The following FHDC1 variants were observed in gnomAD, a reference collection of about 807,000 sequenced individuals.
FHDC1 encodes FH2 domain-containing protein 1.
In FHDC1, 25 loss-of-function variants were observed where a neutral mutation model predicts 52.6. That is an observed-to-expected ratio of 0.48 (90% CI 0.35 to 0.66). The LOEUF is 0.66. Ranked by LOEUF, FHDC1 falls within the 30% of genes least tolerant of loss-of-function variation. The probability of loss-of-function intolerance (pLI) is 0.01; values close to 1 mark genes in which losing one functional copy is unlikely to be tolerated. For missense variants in FHDC1, 1,459 were observed against 1,452.8 expected (o/e 1.00, Z -0.07); for synonymous variants, 616 against 581.5 (o/e 1.06, Z -0.85).
At position 152,976,420 on chromosome 4, in the gene FHDC1, C is replaced by T. The variant is rs758886217; in HGVS notation, c.3129C>T (p.Ser1043=). 6.2e-7 allele frequency: 1 copy of T among 1,613,784 alleles called. No individual in the cohort carries two copies. Among genetic ancestry groups the T allele is most frequent in the South Asian group, 1.1e-5 (1 of 91,088 alleles). Residue 1043 remains serine (S), a synonymous_variant, in exon 12 of 12, where the codon TCC becomes TCT. Coordinates refer to ENST00000511601, the MANE Select transcript of FHDC1 (RefSeq NM_001371116.1). ...TTGCCCGGAACACAGTGGCCTCCTCCTCTCGAAGCATGAGAACAGATCTTC... is the reference window on the plus strand; with the variant it reads ...TTGCCCGGAACACAGTGGCCTCCTCTTCTCGAAGCATGAGAACAGATCTTC... ...PSFARNTVAS[S]SRSMRTDLPP...
rs371770342 is a variant in FHDC1, at chr4:152,969,815, G to A, written c.1218+1718G>A. 2.5e-4 allele frequency among the ~76,000 whole-genome samples: 38 copies of A among 152,040 alleles called. No homozygotes were observed. In the East Asian group the frequency reaches 5.6e-3, roughly 22 times the overall value. ...CTCCTGAGCAGCTGAGACTACAGGC[G>A]CATGTCACCACACCAGGCTAATTTT... On this transcript the variant is annotated intron_variant, in intron 10 of 11. Transcript: ENST00000511601.
chr4:152,949,761 G>A (rs1442063209), intron 2 of FHDC1, among the ~76,000 whole-genome samples: 2 of 152,196 alleles, frequency 1.3e-5, no homozygotes, highest in Admixed American at 6.5e-5. Context: ...GGCAGTTGCG[G>A]GGAAACTGTG....
At chr4:152,968,207 T>C in intron 10 of FHDC1, 110 bp downstream of exon 10, 2 of 744,674 alleles carry the variant, frequency 2.7e-6, no homozygotes, top group Non-Finnish European at 4.5e-6. Context: ...CCATTCATAT[T>C]TTTTTTCTCC....
intron 10 of FHDC1, among the ~76,000 whole-genome samples, 178 bp from the exon 11 acceptor site, chr4:152,972,199 T>C (rs1448561139): frequency 6.6e-6 from 1 of 152,166 alleles, no homozygotes; most frequent in African/African-American, 2.4e-5. Flanking sequence ...CGAGGTTTGT[T>C]CTGGGTTGAA....
intron 2 of FHDC1, among the ~76,000 whole-genome samples, chr4:152,946,374 A>T (rs370615367): frequency 1.3e-5 from 2 of 152,350 alleles, no homozygotes; most frequent in African/African-American, 4.8e-5. Flanking sequence ...GCTGTCACAT[A>T]ACAGAGATTA....
chr4:152,939,884 G>A (rs993329794), intron 1 of FHDC1, among the ~76,000 whole-genome samples: 2 of 152,142 alleles, frequency 1.3e-5, no homozygotes, highest in African/African-American at 4.8e-5. Flanking sequence ...GCAGATTGAT[G>A]GGACTACTTA....
At chr4:152,914,299 A>ACC in the FHDC1 span, among the ~76,000 whole-genome samples, 3 of 152,182 alleles carry the variant, frequency 2.0e-5, no homozygotes, top group African/African-American at 7.2e-5. Flanking sequence ...CCTTTATAAT[A>ACC]AATTGCCAAG....
At chr4:152,919,476 G>C in the FHDC1 span, among the ~76,000 whole-genome samples, 1 of 152,338 alleles carries the variant, frequency 6.6e-6, no homozygotes, top group South Asian at 2.1e-4. Flanking sequence ...ATGGCAGCTA[G>C]GTCAGTGAAG....
In FHDC1 at chr4:152,976,911, C is replaced by A; in HGVS notation, c.*188C>A. Reference sequence around the variant, plus strand: ...CTGCAGCCTGCTGTGCTGAGCCCTGCTGCAGTCCAGCGTCCAGATGGATGC... The same window carrying A: ...CTGCAGCCTGCTGTGCTGAGCCCTGATGCAGTCCAGCGTCCAGATGGATGC... On this transcript the variant is annotated 3_prime_UTR_variant, in exon 12 of 12. Transcript: ENST00000511601. 1.5e-6 allele frequency: 1 copy of A among 656,594 alleles called. No homozygotes were observed. Among genetic ancestry groups the A allele is most frequent in the Non-Finnish European group, 2.3e-6 (1 of 433,018 alleles). 40.7% of individuals were successfully genotyped at this position (656,594 alleles called of 1,614,324 possible).
chr4:152,953,027 G>T (rs188482301), intron 2 of FHDC1, among the ~76,000 whole-genome samples: 1 of 152,108 alleles, frequency 6.6e-6, no homozygotes, highest in Non-Finnish European at 1.5e-5. Context: ...AGCTGCCCTC[G>T]GGAGGCTGAG....
chr4:152,941,820 C>T (rs1336543626), intron 1 of FHDC1, among the ~76,000 whole-genome samples: 4 of 152,058 alleles, frequency 2.6e-5, no homozygotes, highest in Admixed American at 1.3e-4. Context: ...CCCGAAGTGC[C>T]GTGTAAAAAG....
chr4:152,950,251 G>C (rs1739883564), intron 2 of FHDC1, among the ~76,000 whole-genome samples: 1 of 152,176 alleles, frequency 6.6e-6, no homozygotes, highest in South Asian at 2.1e-4. Context: ...AGTGAGATAA[G>C]CTAATTTACA....
At chr4:152,957,679 C>T (rs1317300660) in intron 4 of FHDC1, among the ~76,000 whole-genome samples, 1 of 152,196 alleles carries the variant, frequency 6.6e-6, no homozygotes, top group African/African-American at 2.4e-5. Context: ...TATCAGCATG[C>T]TGAAAGATAT....
the FHDC1 span, among the ~76,000 whole-genome samples, chr4:152,924,968 A>AC: frequency 6.6e-6 from 1 of 151,776 alleles, no homozygotes; most frequent in South Asian, 2.1e-4. Flanking sequence ...TATGTAACTA[A>AC]CCTGCACATT....
At chr4:152,957,648 A>C (rs1432554540) in intron 4 of FHDC1, among the ~76,000 whole-genome samples, 1 of 152,216 alleles carries the variant, frequency 6.6e-6, no homozygotes, top group Non-Finnish European at 1.5e-5. Context: ...AATAAGTGTC[A>C]CTTGAATAAT....
intron 4 of FHDC1, 34 bp from the exon 5 acceptor site, chr4:152,960,531 T>C: frequency 6.5e-7 from 1 of 1,544,402 alleles, no homozygotes. Context: ...TCGTAAGTGA[T>C]TTTATATACC....
rs1740866145 is a variant in FHDC1, at chr4:152,976,061, TC to T, written c.2773del (p.Arg925GlyfsTer123). 6.3e-7 allele frequency: 1 copy of T among 1,597,770 alleles called. No individual in the cohort carries two copies. The highest frequency in any genetic ancestry group is 8.5e-7 in the Non-Finnish European group (1 of 1,173,052). ...GAGWRRPELS[S>X]RGPSQNPPSS... ...CGGCTGGAGGCGACCAGAGCTGTCA[TC>T]CCGGGGGCCCTCCCAGAATCCCCCC... On this transcript the variant is annotated frameshift_variant, in exon 12 of 12. Transcript: ENST00000511601. LOFTEE classifies it low-confidence loss of function (END_TRUNC).
At chr4:152,968,493 ATT>A (rs1211138395) in intron 10 of FHDC1, among the ~76,000 whole-genome samples, 2 of 151,908 alleles carry the variant, frequency 1.3e-5, no homozygotes, top group African/African-American at 2.4e-5. Context: ...CACCTGGCTA[ATT>A]TTTGTATTTT....
At chr4:152,923,727 G>A in the FHDC1 span, among the ~76,000 whole-genome samples, 2 of 152,044 alleles carry the variant, frequency 1.3e-5, no homozygotes, top group Admixed American at 1.3e-4. Flanking sequence ...TCTGATCTTT[G>A]ACAAACCTGA....
Sources: gnomAD v4.1 joint callset for allele counts (sites outside exome capture counted in the v4.1 genomes callset) on GRCh38, gnomAD v4.1.1 for gene constraint, MANE v1.5 for transcripts, NCBI Gene and HGNC (gene_info 2026-07-23, HGNC 2026-07-21) for gene names.